SESTD1: variants seen among roughly 807,000 people sequenced by gnomAD.
SESTD1 encodes SEC14 domain and spectrin repeat-containing protein 1.
A neutral mutation model predicts 101.7 loss-of-function variants in SESTD1; 43 were observed. The ratio of observed to expected loss-of-function variants is 0.42; its 90% CI spans 0.33 to 0.55. The LOEUF (loss-of-function observed/expected upper bound fraction) is 0.55. SESTD1 is among the 20% of genes least tolerant of loss of function. SESTD1 has a pLI of 0.07. For synonymous variants in SESTD1, 283 were observed against 286.8 expected (o/e 0.99, Z 0.13); for missense variants, 647 against 815.1 (o/e 0.79, Z 2.51).
Position 179,102,765 on chromosome 2 carries a change from G to GA in SESTD1, c.*7133dup, listed in dbSNP as rs368470526. On this transcript the variant is annotated 3_prime_UTR_variant, in exon 18 of 18. Coordinates refer to ENST00000428443, the MANE Select transcript of SESTD1 (RefSeq NM_178123.5). ...GTGGATAAGAGAGTCATCAGAGTGTGAAAAAACTACAGCTGGGTGGTATTG... is the reference window on the plus strand; with the variant it reads ...GTGGATAAGAGAGTCATCAGAGTGTGAAAAAAACTACAGCTGGGTGGTATTG... 1 of 152,040 alleles carries GA rather than the reference G, an allele frequency of 6.6e-6. No homozygotes were observed. The highest frequency in any genetic ancestry group is 2.4e-5 in the African/African-American group (1 of 41,388). 9.4% of individuals were successfully genotyped at this position (152,040 alleles called of 1,614,324 possible).
intron 1 of SESTD1, 85 bp from the exon 2 acceptor site, chr2:179,191,951 T>A (rs762297610): frequency 8.6e-6 from 8 of 930,306 alleles, no homozygotes; most frequent in Non-Finnish European, 1.3e-5. Context: ...TCCCAGAGTT[T>A]CTAAACCTGA....
chr2:179,239,328 T>G (rs531413099), intron 1 of SESTD1, among the ~76,000 whole-genome samples: 258 of 152,294 alleles, frequency 1.7e-3, no homozygotes, highest in South Asian at 0.016. Flanking sequence ...TTTTCTTCCT[T>G]TTGCAAACCA....
intron 5 of SESTD1, among the ~76,000 whole-genome samples, chr2:179,170,315 T>G (rs2045909568): frequency 6.6e-6 from 1 of 152,106 alleles, no homozygotes; most frequent in African/African-American, 2.4e-5. Flanking sequence ...AGGTAATATT[T>G]GTAAATTATG....
At chr2:179,128,325 G>A (rs919912925) in intron 10 of SESTD1, among the ~76,000 whole-genome samples, 26 of 152,132 alleles carry the variant, frequency 1.7e-4, no homozygotes, top group African/African-American at 6.3e-4. Flanking sequence ...TGATATTACC[G>A]ATTGAGGTTG....
At chr2:179,213,712 T>C (rs1367968516) in intron 1 of SESTD1, among the ~76,000 whole-genome samples, 2 of 134,852 alleles carry the variant, frequency 1.5e-5, no homozygotes, top group African/African-American at 2.9e-5. Context: ...TCACCAAGGT[T>C]GAAATGAAGG....
chr2:179,146,048 G>A (rs1410334176), intron 8 of SESTD1, among the ~76,000 whole-genome samples: 10 of 150,648 alleles, frequency 6.6e-5, no homozygotes, highest in Non-Finnish European at 1.0e-4. Flanking sequence ...GTGAGCGGCA[G>A]GCCAGCAAGC....
Position 179,208,601 on chromosome 2 carries a change from T to C in SESTD1, c.-25-16735A>G, listed in dbSNP as rs2046616542. 1.5e-5 allele frequency among the ~76,000 whole-genome samples: 2 copies of C among 134,942 alleles called. 1 individual carries two copies. The highest frequency in any genetic ancestry group is 1.4e-4 in the Admixed American group (2 of 13,846). 88.5% of individuals were successfully genotyped at this position (134,942 alleles called of 152,430 possible). ...CTTAATCAAAATAATTATCAGCCAA[T>C]AATTCTGTATCCAGCAAAACTAAGC... On this transcript the variant is annotated intron_variant, in intron 1 of 17. Transcript: ENST00000428443.
intron 9 of SESTD1, among the ~76,000 whole-genome samples, chr2:179,134,697 T>A (rs143685627): frequency 6.6e-6 from 1 of 152,300 alleles, no homozygotes; most frequent in East Asian, 1.9e-4. Context: ...AATGATGATG[T>A]AATACTAATG....
chr2:179,139,111 T>A (rs1307517647), intron 9 of SESTD1, among the ~76,000 whole-genome samples: 1 of 152,180 alleles, frequency 6.6e-6, no homozygotes, highest in African/African-American at 2.4e-5. Context: ...TGTTCTATTC[T>A]CTAAAACAAA....
At chr2:179,159,980 G>A (rs111745199) in intron 5 of SESTD1, among the ~76,000 whole-genome samples, 1 of 151,896 alleles carries the variant, frequency 6.6e-6, no homozygotes, top group Non-Finnish European at 1.5e-5. Flanking sequence ...TCAGCCTCCC[G>A]AGCAGCTGGG....
chr2:179,245,021 G>A (rs2047208880), intron 1 of SESTD1, among the ~76,000 whole-genome samples: 1 of 152,128 alleles, frequency 6.6e-6, no homozygotes, highest in Non-Finnish European at 1.5e-5. Context: ...GATACACAAA[G>A]AGATACACTC....
chr2:179,195,366 A>C (rs1031579148), intron 1 of SESTD1, among the ~76,000 whole-genome samples: 11 of 152,220 alleles, frequency 7.2e-5, no homozygotes, highest in African/African-American at 2.7e-4. Context: ...CACCCTGTGA[A>C]GAAGGTGTCT....
intron 1 of SESTD1, among the ~76,000 whole-genome samples, chr2:179,199,826 A>G (rs1217587832): frequency 6.6e-6 from 1 of 151,844 alleles, no homozygotes. Context: ...AGAGCTATCT[A>G]TGGCAAAAAC....
At chr2:179,251,739 C>T (rs929302652) in intron 1 of SESTD1, among the ~76,000 whole-genome samples, 2 of 152,124 alleles carry the variant, frequency 1.3e-5, no homozygotes, top group African/African-American at 4.8e-5. Context: ...AGATTAGTAT[C>T]CTTATAAAAG....
chr2:179,168,968 T>C (rs2045883445), intron 5 of SESTD1, among the ~76,000 whole-genome samples: 1 of 152,038 alleles, frequency 6.6e-6, no homozygotes, highest in South Asian at 2.1e-4. Context: ...AACAGTAAGG[T>C]AACCATTAAA....
chr2:179,220,378 T>C (rs1386239530), intron 1 of SESTD1, among the ~76,000 whole-genome samples: 4 of 152,240 alleles, frequency 2.6e-5, no homozygotes, highest in Non-Finnish European at 5.9e-5. Context: ...TTCACCAAAA[T>C]AGGAGCAGCA....
intron 1 of SESTD1, among the ~76,000 whole-genome samples, chr2:179,230,778 C>CA (rs1358056779): frequency 6.7e-6 from 1 of 150,024 alleles, no homozygotes; most frequent in Non-Finnish European, 1.5e-5. Flanking sequence ...AACTATAATC[C>CA]AAAAAAAAAT....
intron 7 of SESTD1, among the ~76,000 whole-genome samples, chr2:179,146,679 A>G (rs183844633): frequency 4.6e-5 from 7 of 152,300 alleles, no homozygotes; most frequent in Non-Finnish European, 1.0e-4. Context: ...TAAAATAACT[A>G]CTTGGAAAAA....
intron 13 of SESTD1, among the ~76,000 whole-genome samples, chr2:179,118,259 C>CA (rs1207435237): frequency 8.6e-5 from 13 of 151,960 alleles, no homozygotes; most frequent in Admixed American, 3.3e-4. Context: ...CTTAAAAAAA[C>CA]AAAAAAACTC....
Sources: allele counts gnomAD v4.1 joint callset (sites outside exome capture counted in the v4.1 genomes callset), GRCh38; gene constraint gnomAD v4.1.1; transcripts MANE v1.5; gene names NCBI Gene and HGNC (gene_info 2026-07-23, HGNC 2026-07-21).